The following NIPA1 variants were observed in gnomAD, a reference collection of about 807,000 sequenced individuals.
The protein encoded by NIPA1 is NIPA magnesium transporter 1.
In NIPA1, 13 loss-of-function variants were observed where a neutral mutation model predicts 23.9. The ratio of observed to expected loss-of-function variants is 0.54; its 90% CI spans 0.35 to 0.87. The LOEUF (loss-of-function observed/expected upper bound fraction) is 0.87. Ranked by LOEUF, NIPA1 falls within the 40% of genes least tolerant of loss-of-function variation. The pLI is 0.01. For missense variants in NIPA1, 362 were observed against 429.7 expected, an observed-to-expected ratio of 0.84 and a Z score of 1.39; for synonymous variants, 234 against 202.9, an observed-to-expected ratio of 1.15 and a Z score of -1.30.
At chr15:22,813,629 C>G (rs1895360279) in intron 3 of NIPA1, 1 of 455,894 alleles carries the variant, frequency 2.2e-6, no homozygotes, top group Non-Finnish European at 4.4e-6. Context: ...CTGCTGTATT[C>G]CAGACAGATG....
intron 1 of NIPA1, among the ~76,000 whole-genome samples, chr15:22,803,000 A>G (rs1288609772): frequency 1.3e-5 from 2 of 151,782 alleles, no homozygotes; most frequent in Admixed American, 6.6e-5. Flanking sequence ...TCTGTCGCCC[A>G]TGCTGGAGTG....
chr15:22,800,910 G>A (rs565667245), intron 1 of NIPA1, among the ~76,000 whole-genome samples: 69 of 146,800 alleles, frequency 4.7e-4, no homozygotes, highest in African/African-American at 1.6e-3. Flanking sequence ...CAGCCTGGGC[G>A]ACAGTGCGAG....
intron 1 of NIPA1, among the ~76,000 whole-genome samples, chr15:22,798,847 A>C (rs1294101616): frequency 2.6e-5 from 4 of 151,130 alleles, no homozygotes; most frequent in South Asian, 2.1e-4. Context: ...AAAAAAAAAA[A>C]AAAAAAAAAA....
chr15:22,819,595 A>G (rs1260619122), intron 3 of NIPA1, among the ~76,000 whole-genome samples: 1 of 152,156 alleles, frequency 6.6e-6, no homozygotes, highest in Non-Finnish European at 1.5e-5. Context: ...TACTACTTCT[A>G]CTACTGCAAT....
intron 1 of NIPA1, among the ~76,000 whole-genome samples, chr15:22,800,728 A>G (rs1895057870): frequency 6.6e-6 from 1 of 152,032 alleles, no homozygotes. Context: ...GGAGATTGAG[A>G]CCATCCTGGC....
chr15:22,801,109 C>T (rs1198377404), intron 1 of NIPA1, among the ~76,000 whole-genome samples: 2 of 151,896 alleles, frequency 1.3e-5, no homozygotes, highest in African/African-American at 4.8e-5. Context: ...ATACACTGAG[C>T]CCACCCCATG....
In NIPA1 at chr15:22,793,757, A is replaced by G. The variant is rs139203040; in HGVS notation, c.178+6923A>G. 5.0e-3 allele frequency among the ~76,000 whole-genome samples: 757 copies of G among 152,288 alleles called. 4 individuals carry two copies. Among genetic ancestry groups the G allele is most frequent in the Non-Finnish European group, 6.8e-3 (464 of 68,028 alleles). On this transcript the variant is annotated intron_variant, in intron 1 of 4. Coordinates refer to ENST00000337435, the MANE Select transcript of NIPA1 (RefSeq NM_144599.5). Reference sequence around the variant, plus strand: ...AGTTGACTTTTGTGTATGGTGACACATAGAGGTCCGGTTTTATTTTTCTGC... The same window carrying G: ...AGTTGACTTTTGTGTATGGTGACACGTAGAGGTCCGGTTTTATTTTTCTGC...
At chr15:22,796,329 G>A (rs1894937764) in intron 1 of NIPA1, among the ~76,000 whole-genome samples, 1 of 152,066 alleles carries the variant, frequency 6.6e-6, no homozygotes, top group Non-Finnish European at 1.5e-5. Context: ...ATAGAAGCAG[G>A]AAGACATCAC....
intron 3 of NIPA1, among the ~76,000 whole-genome samples, chr15:22,816,746 C>G (rs1383222325): frequency 6.6e-6 from 1 of 151,576 alleles, no homozygotes; most frequent in East Asian, 2.0e-4. Context: ...CCACTTTGGC[C>G]TCCCAAAGTG....
At chr15:22,793,605 T>A (rs1894881640) in intron 1 of NIPA1, among the ~76,000 whole-genome samples, 1 of 151,762 alleles carries the variant, frequency 6.6e-6, no homozygotes, top group Non-Finnish European at 1.5e-5. Context: ...CATGCCCGGC[T>A]AATTTTCCTA....
intron 1 of NIPA1, among the ~76,000 whole-genome samples, chr15:22,808,696 G>C (rs1475255888): frequency 5.3e-5 from 1 of 18,902 alleles, no homozygotes; most frequent in South Asian, 2.8e-3. Flanking sequence ...TTGAGACAGT[G>C]TCTCACTCTA....
At chr15:22,819,880 G>A (rs929994381) in intron 3 of NIPA1, among the ~76,000 whole-genome samples, 1 of 152,158 alleles carries the variant, frequency 6.6e-6, no homozygotes, top group African/African-American at 2.4e-5. Flanking sequence ...TAACTACGTA[G>A]TGGTTATACA....
chr15:22,813,252 C>A (rs1041855787), intron 3 of NIPA1, among the ~76,000 whole-genome samples: 2 of 151,760 alleles, frequency 1.3e-5, no homozygotes, highest in Non-Finnish European at 2.9e-5. Context: ...CTCCAGGGAC[C>A]CAGTGTGTGC....
At chr15:22,814,280 C>T (rs370952463) in intron 3 of NIPA1, 31 of 278,332 alleles carry the variant, frequency 1.1e-4, no homozygotes, top group Middle Eastern at 1.7e-3. Context: ...TTTTTTGAGA[C>T]GGAGTCTCGC....
Position 22,786,842 on chromosome 15 carries a change from G to GGGCGGCA in NIPA1, c.178+22_178+28dup, listed in dbSNP as rs753298688. On this transcript the variant is annotated intron_variant, in intron 1 of 4. Coordinates refer to ENST00000337435, the MANE Select transcript of NIPA1 (RefSeq NM_144599.5). The stretch of plus-strand genomic sequence containing the variant: ...TGCGTGCCAAGCGGCGAGGTAGGGC[G>GGGCGGCA]GGCGGCAGGCGGCAGGCGGCGGGCG... The GGGCGGCA allele has an allele frequency of 3.3e-4, 389 of 1,189,476 alleles. 3 individuals are homozygous for GGGCGGCA. Among genetic ancestry groups the GGGCGGCA allele is most frequent in the African/African-American group, 2.8e-3 (175 of 62,390 alleles). The allele number at this position is 1,189,476 out of a possible 1,614,324, so 73.7% of individuals were successfully genotyped here. A position where few individuals can be genotyped will look rare whatever the true frequency, so the allele number is the denominator to read the frequency against.
At chr15:22,822,760 G>A (rs1392119835) in intron 4 of NIPA1, among the ~76,000 whole-genome samples, 1 of 151,842 alleles carries the variant, frequency 6.6e-6, no homozygotes, top group Non-Finnish European at 1.5e-5. Flanking sequence ...CTGGGAGGTG[G>A]AGGTTGCAGT....
rs1466036668 is a variant in NIPA1 at position 22,826,676 on chromosome 15, A to G, written c.*2437A>G. 1 of 152,172 alleles carries G rather than the reference A, an allele frequency of 6.6e-6. No individual in the cohort carries two copies. Among genetic ancestry groups the G allele is most frequent in the Non-Finnish European group, 1.5e-5 (1 of 68,026 alleles). 9.4% of individuals were successfully genotyped at this position (152,172 alleles called of 1,614,324 possible). On this transcript the variant is annotated 3_prime_UTR_variant, in exon 5 of 5. Coordinates refer to ENST00000337435, the MANE Select transcript of NIPA1 (RefSeq NM_144599.5). Reference sequence around the variant, plus strand: ...GAGGTGATACCCGATGATCTTCTCTATAATATTCTTAGAGTAAAACAAAAT... The same window carrying G: ...GAGGTGATACCCGATGATCTTCTCTGTAATATTCTTAGAGTAAAACAAAAT...
chr15:22,795,100 G>A (rs1489603541), intron 1 of NIPA1, among the ~76,000 whole-genome samples: 2 of 152,122 alleles, frequency 1.3e-5, no homozygotes, highest in African/African-American at 2.4e-5. Flanking sequence ...CAGGTGCCTC[G>A]GAGCTGACCT....
rs765470587 is a variant in NIPA1 at position 22,823,732 on chromosome 15, T to C, written c.483T>C (p.Phe161=). The stretch of plus-strand genomic sequence containing the variant: ...TGTGTGCTGTCTGTGTTCCAGTGTT[T>C]GTGGGCTACCTGTGCATCGTGCTGC... ...ELEEKLTNPV[F]VGYLCIVLLM... Residue 161 remains phenylalanine, a synonymous_variant, in exon 5 of 5, where the codon TTT becomes TTC. Transcript: ENST00000337435. The C allele has an allele frequency of 6.2e-7, 1 of 1,606,052 alleles. No individual in the cohort carries two copies. The highest frequency in any genetic ancestry group is 8.5e-7 in the Non-Finnish European group (1 of 1,178,558).
Sources: gnomAD v4.1 joint callset for allele counts (sites outside exome capture counted in the v4.1 genomes callset) on GRCh38, gnomAD v4.1.1 for gene constraint, MANE v1.5 for transcripts, NCBI Gene and HGNC (gene_info 2026-07-23, HGNC 2026-07-21) for gene names.